The following CLBA1 variants were observed in gnomAD, a reference collection of about 807,000 sequenced individuals.
CLBA1 encodes the protein clathrin binding box of aftiphilin containing 1, also known as uncharacterized protein CLBA1.
In CLBA1, 30 loss-of-function variants were observed where a neutral mutation model predicts 28.8. That is an observed-to-expected ratio of 1.04 (90% confidence interval 0.78 to 1.41). The LOEUF (loss-of-function observed/expected upper bound fraction) is 1.41, where lower values mean the gene tolerates loss of function less well. Ranked by LOEUF, CLBA1 falls within the 40% of genes most tolerant of loss-of-function variation. The pLI, the probability that CLBA1 is intolerant of heterozygous loss-of-function variation, is 0.00. For missense variants in CLBA1, 451 were observed against 412.3 expected (o/e 1.09, Z -0.81); for synonymous variants, 160 against 152.8 (o/e 1.05, Z -0.35).
At chr14:104,991,368 G>C in intron 2 of CLBA1, 123 bp from the exon 3 acceptor site, 2 of 1,205,382 alleles carry the variant, frequency 1.7e-6, no homozygotes, top group Admixed American at 4.0e-5. Context: ...ACGCCTCTTG[G>C]CTTGTGCGCG....
intron 2 of CLBA1, 146 bp downstream of exon 2, chr14:104,989,234 T>C: frequency 6.5e-6 from 5 of 763,826 alleles, no homozygotes; most frequent in Non-Finnish European, 1.0e-5. Flanking sequence ...AGGGGTCCTA[T>C]GAGAAGGGGC....
At chr14:104,986,969 C>A in intron 1 of CLBA1, 115 bp downstream of exon 1, 1 of 1,247,474 alleles carries the variant, frequency 8.0e-7, no homozygotes, top group Non-Finnish European at 1.1e-6. Context: ...AGCCCCAGAG[C>A]GTCTGCTTCT....
chr14:104,991,583 ACTT>A lies in CLBA1; in HGVS notation c.666_668del (p.Phe223del), dbSNP rs772152080. The A allele has an allele frequency of 4.3e-6, 7 of 1,613,484 alleles. No individual in the cohort carries two copies. The highest frequency in any genetic ancestry group is 1.1e-5 in the South Asian group (1 of 91,042). ...TGGAGCGAGTCCCGTTGCCAGGAGA[ACTT>A]CTTTCTTGTTCTCGGAATAGATGCT... On this transcript the variant is annotated inframe_deletion, in exon 3 of 5. Coordinates refer to ENST00000547315, the MANE Select transcript of CLBA1 (RefSeq NM_174891.4).
Position 104,991,457 on chromosome 14 carries a change from A to G in CLBA1, c.570-34A>G, listed in dbSNP as rs976834447. On this transcript the variant is annotated intron_variant, in intron 2 of 4. Coordinates refer to ENST00000547315, the MANE Select transcript of CLBA1 (RefSeq NM_174891.4). ...TCATGATCTCCTCAGAAGGCTCTCA[A>G]GGTCACCTTTTAACAAGTGCATCTG... 3.1e-6 allele frequency: 5 copies of G among 1,612,278 alleles called. No homozygotes were observed. The Admixed American group carries it at 6.7e-5, about 22-fold the overall frequency.
downstream of CLBA1, chr14:104,999,115 A>G: frequency 1.5e-6 from 1 of 679,010 alleles, no homozygotes; most frequent in Non-Finnish European, 1.8e-6. Context: ...TGAGGCTGAC[A>G]GCTTTCCTCT....
intron 2 of CLBA1, chr14:104,990,665 CA>C (rs1899994783): frequency 1.3e-5 from 2 of 152,420 alleles, no homozygotes; most frequent in Admixed American, 1.3e-4. Flanking sequence ...CAGTCCCTCA[CA>C]GTGCGTAGCA....
At position 104,991,324 on chromosome 14, in the gene CLBA1, C is replaced by G. The variant is rs2582571; in HGVS notation, c.570-167C>G. ...CAGGCGTGAGCCACTGTGCCCAGCCCGGGAACACTGTTTTTAGAGTTCTTA... is the reference window on the plus strand; with the variant it reads ...CAGGCGTGAGCCACTGTGCCCAGCCGGGGAACACTGTTTTTAGAGTTCTTA... On this transcript the variant is annotated intron_variant, in intron 2 of 4. Coordinates refer to ENST00000547315, the MANE Select transcript of CLBA1 (RefSeq NM_174891.4). 7 of 704,692 alleles carry G rather than the reference C, an allele frequency of 9.9e-6. No individual in the cohort carries two copies. The East Asian group carries it at 2.3e-4, about 23-fold the overall frequency. The allele number at this position is 704,692 out of a possible 1,614,324, so 43.7% of individuals were successfully genotyped here. A position where few individuals can be genotyped will look rare whatever the true frequency, so the allele number is the denominator to read the frequency against.
rs1274500072 is a variant in CLBA1, at chr14:104,992,877, G to T, written c.700-71G>T. The T allele has an allele frequency of 9.0e-6, 11 of 1,228,302 alleles. No individual in the cohort carries two copies. In the African/African-American group the frequency reaches 1.6e-4, roughly 18 times the overall value. 76.1% of individuals were successfully genotyped at this position (1,228,302 alleles called of 1,614,324 possible). ...GTTTTAGCATGAAATTAGTAGAGGG[G>T]CTCAGGGGAAAAGGAAACAGGAGAC... On this transcript the variant is annotated intron_variant, in intron 3 of 4. Coordinates refer to ENST00000547315, the MANE Select transcript of CLBA1 (RefSeq NM_174891.4).
intron 1 of CLBA1, among the ~76,000 whole-genome samples, chr14:104,987,606 C>CTTTTTTTTTTTTTTTTTTTTTTT (rs869117577): frequency 1.7e-5 from 1 of 59,984 alleles, no homozygotes; most frequent in Non-Finnish European, 2.9e-5. Context: ...TCTTCCTTTT[C>CTTTTTTTTTTTTTTTTTTTTTTT]TTTTTTTTTT....
At chr14:104,992,035 G>A (rs1223643823) in intron 3 of CLBA1, among the ~76,000 whole-genome samples, 10 of 114,352 alleles carry the variant, frequency 8.7e-5, no homozygotes, top group Admixed American at 2.9e-4. Context: ...TGCACACGCC[G>A]CCACGCACAC....
intron 3 of CLBA1, among the ~76,000 whole-genome samples, 162 bp from the exon 4 acceptor site, chr14:104,992,786 G>A (rs1010099830): frequency 3.9e-5 from 6 of 152,220 alleles, no homozygotes; most frequent in African/African-American, 1.4e-4. Flanking sequence ...ATGAGGCAGC[G>A]AGTGGCAGGG....
At chr14:104,995,785 C>T (rs537066402), downstream of CLBA1, among the ~76,000 whole-genome samples, 4 of 152,354 alleles carry the variant, frequency 2.6e-5, no homozygotes, top group South Asian at 2.1e-4. Flanking sequence ...CCATGTTGCA[C>T]GTGGCTCTAG....
Position 104,986,691 on chromosome 14 carries a change from C to G in CLBA1, c.260C>G (p.Ser87Cys). The G allele has an allele frequency of 6.2e-7, 1 of 1,614,126 alleles. No individual in the cohort carries two copies. Among genetic ancestry groups the G allele is most frequent in the African/African-American group, 1.3e-5 (1 of 75,042 alleles). The part of the protein sequence containing the change: ...TWGEFEGFRE[S>C]SAKSGQFSQS... ...GGGGAGTTTGAAGGCTTTCGGGAAT[C>G]TTCAGCCAAGTCTGGACAATTCTCA... The change falls in exon 1 of 5, where the codon TCT (serine) becomes TGT (cysteine). Residue 87 changes from serine (S) to cysteine (C), a missense_variant. Transcript: ENST00000547315.
At chr14:104,996,528 G>A (rs976879437), downstream of CLBA1, among the ~76,000 whole-genome samples, 22 of 152,204 alleles carry the variant, frequency 1.4e-4, no homozygotes, top group Non-Finnish European at 3.2e-4. Flanking sequence ...TGGGATTTTT[G>A]TTCCCAAAGT....
intron 4 of CLBA1, 166 bp from the exon 5 acceptor site, chr14:104,994,432 T>C (rs1900117204): frequency 1.0e-6 from 1 of 985,346 alleles, no homozygotes; most frequent in African/African-American, 1.7e-5. Flanking sequence ...ATGTTTTCCC[T>C]GGGCGCCTCT....
At chr14:104,993,381 G>A in intron 4 of CLBA1, 1 of 985,438 alleles carries the variant, frequency 1.0e-6, no homozygotes, top group South Asian at 4.7e-5. Context: ...GGATGACGAG[G>A]CTGGAAGGAT....
chr14:104,988,138 G>C (rs1227769610), intron 1 of CLBA1, among the ~76,000 whole-genome samples: 1 of 152,104 alleles, frequency 6.6e-6, no homozygotes, highest in South Asian at 2.1e-4. Context: ...GCTGGGGCCC[G>C]TTGGAATACA....
At chr14:104,993,816 C>A (rs1348424014) in intron 4 of CLBA1, 8 of 985,298 alleles carry the variant, frequency 8.1e-6, no homozygotes, top group Non-Finnish European at 9.6e-6. Flanking sequence ...GGGAGGGGCG[C>A]ATGGGCGGCT....
chr14:104,991,573 T>A lies in CLBA1; in HGVS notation c.652T>A (p.Cys218Ser). The A allele has an allele frequency of 6.2e-7, 1 of 1,613,724 alleles. No homozygotes were observed. The highest frequency in any genetic ancestry group is 8.5e-7 in the Non-Finnish European group (1 of 1,179,834). ...TCAGCGCCTCTGGAGCGAGTCCCGT[T>A]GCCAGGAGAACTTCTTTCTTGTTCT... ...TSQRLWSESRCQENFFLVLGI... is the reference protein window; with the variant it reads ...TSQRLWSESRSQENFFLVLGI... Residue 218 changes from cysteine (C) to serine (S), a missense_variant, in exon 3 of 5, where the codon TGC becomes AGC. By Grantham distance (112) the Cys-to-Ser change is moderately radical. Coordinates refer to ENST00000547315, the MANE Select transcript of CLBA1 (RefSeq NM_174891.4).
Sources: allele counts gnomAD v4.1 joint callset (sites outside exome capture counted in the v4.1 genomes callset), GRCh38; gene constraint gnomAD v4.1.1; transcripts MANE v1.5; gene names NCBI Gene and HGNC (gene_info 2026-07-23, HGNC 2026-07-21).